The following HEXA variants were observed in gnomAD, a reference collection of about 807,000 sequenced individuals.
The protein encoded by HEXA is hexosaminidase subunit alpha, also known as beta-hexosaminidase subunit alpha.
A neutral mutation model predicts 73.3 loss-of-function variants in HEXA; 54 were observed. The ratio of observed to expected loss-of-function variants is 0.74; its 90% CI spans 0.59 to 0.92. The LOEUF is 0.92. Ranked by LOEUF, HEXA falls within the 40% of genes least tolerant of loss-of-function variation. HEXA has a pLI of 0.00. For synonymous variants in HEXA, 230 were observed against 246.9 expected, an observed-to-expected ratio of 0.93 and a Z score of 0.64; for missense variants, 649 against 653.0, an observed-to-expected ratio of 0.99 and a Z score of 0.07.
At chr15:72,364,693 C>T in intron 1 of HEXA, among the ~76,000 whole-genome samples, 1 of 152,100 alleles carries the variant, frequency 6.6e-6, no homozygotes, top group East Asian at 1.9e-4. Flanking sequence ...CATATATGGG[C>T]CCATCTCTCC....
At position 72,370,358 on chromosome 15, in the gene HEXA, G is replaced by A. The variant is rs2088973108; in HGVS notation, c.253+5362C>T. 6 of 343,116 alleles carry A rather than the reference G, an allele frequency of 1.7e-5. No individual in the cohort carries two copies. The East Asian group carries it at 2.6e-4, about 15-fold the overall frequency. The allele number at this position is 343,116 out of a possible 1,614,324, so 21.3% of individuals were successfully genotyped here. ...CCCACATACACCTTGATCAAGTTTAGCTTCTTGGACTCAGTACTATACAGG... is the reference window on the plus strand; with the variant it reads ...CCCACATACACCTTGATCAAGTTTAACTTCTTGGACTCAGTACTATACAGG... On this transcript the variant is annotated intron_variant, in intron 1 of 13. Transcript: ENST00000268097.
Position 72,344,006 on chromosome 15 carries a change from GC to G in HEXA, c.*70del, listed in dbSNP as rs2140318437. The G allele has an allele frequency of 3.7e-6, 5 of 1,338,818 alleles. No individual in the cohort carries two copies. In the South Asian group the frequency reaches 5.9e-5, roughly 16 times the overall value. The allele number at this position is 1,338,818 out of a possible 1,614,324, so 82.9% of individuals were successfully genotyped here. ...CGAAGGCAAGGGGCTCCGTCCCCTG[GC>G]CAGGATGCAGTGGAAGCCTGGCTCC... On this transcript the variant is annotated 3_prime_UTR_variant, in exon 14 of 14. Coordinates refer to ENST00000268097, the MANE Select transcript of HEXA (RefSeq NM_000520.6).
intron 1 of HEXA, among the ~76,000 whole-genome samples, chr15:72,362,689 A>C (rs1053915523): frequency 3.2e-4 from 48 of 152,094 alleles, no homozygotes; most frequent in African/African-American, 1.1e-3. Flanking sequence ...TGGATCCATA[A>C]ATTCTAAGAT....
chr15:72,346,224 A>T lies in HEXA; in HGVS notation c.1421+11T>A. ...GGCCCAACCCTCCACCTCCCCCCCGAAAACCCTTACCAGAGCCTGGGGACC... is the reference window on the plus strand; with the variant it reads ...GGCCCAACCCTCCACCTCCCCCCCGTAAACCCTTACCAGAGCCTGGGGACC... On this transcript the variant is annotated intron_variant, in intron 12 of 13. Transcript: ENST00000268097. 2 of 1,609,500 alleles carry T rather than the reference A, an allele frequency of 1.2e-6. No individual in the cohort carries two copies. Among genetic ancestry groups the T allele is most frequent in the Non-Finnish European group, 1.7e-6 (2 of 1,176,284 alleles).
Position 72,356,599 on chromosome 15 carries a change from T to C in HEXA, c.272A>G (p.Glu91Gly), listed in dbSNP as rs753159773. The part of the protein sequence containing the change: ...PYLTGKRHTL[E>G]KNVLVVSVVT... ...TACAGAGACAACCAACACATTCTTC[T>C]CCAGTGTATGCCGTTTCCCTAGGAA... Residue 91 changes from glutamate to glycine, a missense_variant, in exon 2 of 14, where the codon GAG becomes GGG. Transcript: ENST00000268097. 1 of 1,614,110 alleles carries C rather than the reference T, an allele frequency of 6.2e-7. No homozygotes were observed. The highest frequency in any genetic ancestry group is 8.5e-7 in the Non-Finnish European group (1 of 1,179,984).
At chr15:72,351,397 C>T (rs914762492) in intron 5 of HEXA, 163 bp from the exon 6 acceptor site, 2 of 683,962 alleles carry the variant, frequency 2.9e-6, no homozygotes, top group East Asian at 2.7e-5. Context: ...ACCTTCCCAT[C>T]AGGGAGGGAT....
At chr15:72,364,935 C>T (rs1326958190) in intron 1 of HEXA, among the ~76,000 whole-genome samples, 1 of 151,576 alleles carries the variant, frequency 6.6e-6, no homozygotes, top group Non-Finnish European at 1.5e-5. Context: ...GATCCTCCTG[C>T]CTCAGCCTCC....
chr15:72,349,265 C>T lies in HEXA; in HGVS notation c.806-6G>A. 1 of 1,613,024 alleles carries T rather than the reference C, an allele frequency of 6.2e-7. No homozygotes were observed. The highest frequency in any genetic ancestry group is 1.1e-5 in the South Asian group (1 of 91,054). On this transcript the variant is annotated splice_region_variant and splice_polypyrimidine_tract_variant and intron_variant, in intron 7 of 13. Coordinates refer to ENST00000268097, the MANE Select transcript of HEXA (RefSeq NM_000520.6). ...AGTCAGTAATCCAGGGATACCTAAG[C>T]CAAGAGAAAACCCCATATGAGTGTC...
At position 72,346,377 on chromosome 15, in the gene HEXA, T is replaced by TC. The variant is rs1446204433; in HGVS notation, c.1331-53dup. 4 of 1,544,982 alleles carry TC rather than the reference T, an allele frequency of 2.6e-6. No homozygotes were observed. The African/African-American group carries it at 5.4e-5, about 21-fold the overall frequency. On this transcript the variant is annotated intron_variant, in intron 11 of 13. Coordinates refer to ENST00000268097, the MANE Select transcript of HEXA (RefSeq NM_000520.6). ...TGGTGATGGTGGGGTAACTCCAGGG[T>TC]CCCTCTCAACCACCTTCCCAATGTG...
chr15:72,353,922 C>G (rs2088737524), intron 3 of HEXA, 185 bp from the exon 4 acceptor site: 1 of 649,696 alleles, frequency 1.5e-6, no homozygotes, highest in Non-Finnish European at 2.8e-6. Context: ...TCCATCTTTA[C>G]TTCTGTATTT....
chr15:72,347,885 T>G, intron 9 of HEXA, 127 bp from the exon 10 acceptor site: 1 of 1,063,162 alleles, frequency 9.4e-7, no homozygotes, highest in African/African-American at 1.6e-5. Context: ...GTCTTTCCCC[T>G]GGGCTGAAAA....
intron 1 of HEXA, chr15:72,356,824 G>T: frequency 1.4e-6 from 1 of 710,186 alleles, no homozygotes; most frequent in Non-Finnish European, 2.5e-6. Flanking sequence ...TAGCTGCCCT[G>T]ACCCATGTCT....
At chr15:72,351,295 TGCGATGTTGG>T (rs2088692596) in intron 5 of HEXA, 61 bp from the exon 6 acceptor site, 1 of 1,180,622 alleles carries the variant, frequency 8.5e-7, no homozygotes, top group African/African-American at 1.5e-5. Context: ...GCCTCAAACT[TGCGATGTTGG>T]GCGAGCTCTC....
rs1440513465 is a variant in HEXA, at chr15:72,347,614, A to T, written c.1146+72T>A. ...AAACCAGGAGGATCAGTCTCTGTAG[A>T]GGCAGGGAGGAGCTGGGGAGACCAG... On this transcript the variant is annotated intron_variant, in intron 10 of 13. Transcript: ENST00000268097. The T allele has an allele frequency of 3.4e-6, 4 of 1,171,016 alleles. No homozygotes were observed. The African/African-American group carries it at 6.0e-5, about 18-fold the overall frequency. The allele number at this position is 1,171,016 out of a possible 1,614,324, so 72.5% of individuals were successfully genotyped here.
At chr15:72,372,251 A>G (rs1323028041) in intron 1 of HEXA, among the ~76,000 whole-genome samples, 1 of 151,918 alleles carries the variant, frequency 6.6e-6, no homozygotes, top group African/African-American at 2.4e-5. Flanking sequence ...TGGGAGGCTG[A>G]GGCAGGATAA....
At chr15:72,357,206 C>T (rs73440601) in intron 1 of HEXA, 4,806 of 171,848 alleles carry the variant, frequency 0.028, 217 homozygotes, top group African/African-American at 0.1. Context: ...CTTGAGGGCT[C>T]CAGATGAAGG....
At position 72,348,032 on chromosome 15, in the gene HEXA, CTCCT is replaced by C; in HGVS notation, c.1073+12_1073+15del. On this transcript the variant is annotated intron_variant, in intron 9 of 13. Transcript: ENST00000268097. The stretch of plus-strand genomic sequence containing the variant: ...GGACCCCCAAGGGACCCCACCCACC[CTCCT>C]TCCTTCCTCACGTCTGGATGTAGAA... The C allele has an allele frequency of 6.3e-7, 1 of 1,585,984 alleles. No homozygotes were observed. Among genetic ancestry groups the C allele is most frequent in the Non-Finnish European group, 8.7e-7 (1 of 1,154,782 alleles).
chr15:72,347,941 C>A (rs2088639319), intron 9 of HEXA, 107 bp downstream of exon 9: 1 of 979,280 alleles, frequency 1.0e-6, no homozygotes, highest in Non-Finnish European at 1.6e-6. Flanking sequence ...ACAAGGGAAC[C>A]CTGCAGGGAC....
Position 72,349,065 on chromosome 15 carries a change from C to G in HEXA, c.986+14G>C. 1.2e-6 allele frequency: 2 copies of G among 1,610,840 alleles called. No individual in the cohort carries two copies. Among genetic ancestry groups the G allele is most frequent in the African/African-American group, 2.7e-5 (2 of 74,956 alleles). Reference sequence around the variant, plus strand: ...ACTGATCAGGCCACAGTGGGAAGATCAAAGGGCTCATACCAGCAGGTGAAA... The same window carrying G: ...ACTGATCAGGCCACAGTGGGAAGATGAAAGGGCTCATACCAGCAGGTGAAA... On this transcript the variant is annotated intron_variant, in intron 8 of 13. Coordinates refer to ENST00000268097, the MANE Select transcript of HEXA (RefSeq NM_000520.6).
Sources: allele counts gnomAD v4.1 joint callset (sites outside exome capture counted in the v4.1 genomes callset), GRCh38; gene constraint gnomAD v4.1.1; transcripts MANE v1.5; gene names NCBI Gene and HGNC (gene_info 2026-07-23, HGNC 2026-07-21).